The following LRRC40 variants were observed in gnomAD, a reference collection of about 807,000 sequenced individuals.
The protein encoded by LRRC40 is leucine rich repeat containing 40.
Under a neutral mutation model 72.8 loss-of-function variants are expected in LRRC40, and 76 were observed. The observed-to-expected ratio is 1.04, with a 90% confidence interval of 0.87 to 1.26. The LOEUF (loss-of-function observed/expected upper bound fraction) is 1.26, where lower values mean the gene tolerates loss of function less well. Among genes scored for constraint, LRRC40 ranks in the 50% most tolerant of loss-of-function variants. The pLI is 0.00. For synonymous variants in LRRC40, 243 were observed against 254.2 expected (o/e 0.96, Z 0.42); for missense variants, 684 against 698.9 (o/e 0.98, Z 0.24).
rs1667474317 is a variant in LRRC40 at position 70,151,115 on chromosome 1, T to C, written c.1517+13A>G. The stretch of plus-strand genomic sequence containing the variant: ...TTCCACAGAATAACAATTAGAATTG[T>C]CTGTTCTCTTACCTATTAAAGGAAA... On this transcript the variant is annotated intron_variant, in intron 13 of 14. Transcript: ENST00000370952. 1 of 1,415,228 alleles carries C rather than the reference T, an allele frequency of 7.1e-7. No individual in the cohort carries two copies. 87.7% of individuals were successfully genotyped at this position (1,415,228 alleles called of 1,614,324 possible).
rs1241696316 is a variant in LRRC40 at position 70,155,780 on chromosome 1, A to C, written c.1237T>G (p.Leu413Val). Residue 413 changes from leucine (L) to valine (V), a missense_variant, in exon 11 of 15, where the codon TTG (leucine) becomes GTG (valine). Physicochemically the swap from Leu to Val is conservative, Grantham distance 32. Coordinates refer to ENST00000370952, the MANE Select transcript of LRRC40 (RefSeq NM_017768.5). ...GCATCAAACACCTCATCAGGAATCA[A>C]AGTTGCTTGTTTATCACTAAATGAA... Reference protein sequence around the residue: ...ILDYSDKQATLIPDEVFDAVK... With the variant: ...ILDYSDKQATVIPDEVFDAVK... 1.9e-6 allele frequency: 3 copies of C among 1,565,058 alleles called. No homozygotes were observed. The highest frequency in any genetic ancestry group is 2.6e-6 in the Non-Finnish European group (3 of 1,147,230).
intron 13 of LRRC40, among the ~76,000 whole-genome samples, chr1:70,150,640 C>T (rs1407677067): frequency 6.6e-6 from 1 of 152,226 alleles, no homozygotes; most frequent in African/African-American, 2.4e-5. Context: ...TACTCCTCTA[C>T]CTGTTTGCTT....
intron 7 of LRRC40, among the ~76,000 whole-genome samples, chr1:70,174,627 T>C (rs1668064713): frequency 6.6e-6 from 1 of 152,070 alleles, no homozygotes; most frequent in Non-Finnish European, 1.5e-5. Context: ...TACTGATACA[T>C]ACAACCACAT....
chr1:70,182,740 G>A (rs1451587381), intron 4 of LRRC40, among the ~76,000 whole-genome samples: 2 of 151,914 alleles, frequency 1.3e-5, no homozygotes, highest in Admixed American at 1.3e-4. Context: ...GTTGCATTGT[G>A]CTAAGCAGTT....
chr1:70,187,056 TA>T (rs1315301211), intron 3 of LRRC40, among the ~76,000 whole-genome samples: 1 of 151,698 alleles, frequency 6.6e-6, no homozygotes, highest in African/African-American at 2.4e-5. Context: ...CTTGCATTTA[TA>T]AAATCAGAAA....
At chr1:70,178,541 G>T (rs555629428) in intron 6 of LRRC40, among the ~76,000 whole-genome samples, 9 of 152,072 alleles carry the variant, frequency 5.9e-5, no homozygotes, top group African/African-American at 2.2e-4. Context: ...CATAATCCTG[G>T]TTGGTATTCC....
intron 12 of LRRC40, chr1:70,151,713 T>G (rs1267427189): frequency 6.6e-6 from 1 of 151,982 alleles, no homozygotes; most frequent in Non-Finnish European, 1.5e-5. Context: ...AAGTTTAGAA[T>G]TTAAATTTAC....
At chr1:70,181,851 A>C (rs1668253963) in intron 4 of LRRC40, among the ~76,000 whole-genome samples, 2 of 152,020 alleles carry the variant, frequency 1.3e-5, no homozygotes, top group African/African-American at 4.8e-5. Context: ...TTTTCTTTAA[A>C]TAGTTTTAAG....
intron 3 of LRRC40, among the ~76,000 whole-genome samples, 156 bp from the exon 4 acceptor site, chr1:70,185,070 A>G (rs1273239763): frequency 6.6e-6 from 1 of 152,242 alleles, no homozygotes; most frequent in African/African-American, 2.4e-5. Flanking sequence ...AAAAATATGT[A>G]CTCATTAAAA....
chr1:70,205,568 A>G lies in LRRC40; in HGVS notation c.-28T>C. 1 of 1,565,590 alleles carries G rather than the reference A, an allele frequency of 6.4e-7. No individual in the cohort carries two copies. ...TCAAAGTCCTAGGTCCAGAAGCTGC[A>G]GCCCCACCCGTGACGCTTAAAGGTG... On this transcript the variant is annotated 5_prime_UTR_variant, in exon 1 of 15. Transcript: ENST00000370952.
At chr1:70,187,076 G>A (rs972638355) in intron 3 of LRRC40, among the ~76,000 whole-genome samples, 189 bp downstream of exon 3, 1 of 151,250 alleles carries the variant, frequency 6.6e-6, no homozygotes, top group African/African-American at 2.4e-5. Flanking sequence ...AATGATGGGG[G>A]TAATGCTAAA....
At chr1:70,148,067 C>G (rs1456139767) in intron 14 of LRRC40, 1 of 141,612 alleles carries the variant, frequency 7.1e-6, no homozygotes, top group African/African-American at 2.7e-5. Context: ...GCTGAGGGAA[C>G]AGCAGATGTA....
chr1:70,181,693 G>A (rs947229120), intron 4 of LRRC40, among the ~76,000 whole-genome samples: 18 of 150,802 alleles, frequency 1.2e-4, no homozygotes, highest in Non-Finnish European at 2.1e-4. Flanking sequence ...AATTTTTGAG[G>A]AAAAAAAAAT....
intron 9 of LRRC40, among the ~76,000 whole-genome samples, chr1:70,164,471 C>T (rs1351443536): frequency 6.6e-6 from 1 of 152,184 alleles, no homozygotes; most frequent in Non-Finnish European, 1.5e-5. Context: ...CCAAAGACCA[C>T]AATTCTCAGT....
chr1:70,167,249 A>G (rs28374465), intron 9 of LRRC40, among the ~76,000 whole-genome samples: 1,527 of 150,646 alleles, frequency 0.01, 25 homozygotes, highest in African/African-American at 0.035. Context: ...AAAAAAAAAG[A>G]AAAAAGAAAA....
chr1:70,151,243 G>T, intron 12 of LRRC40, 38 bp from the exon 13 acceptor site: 1 of 993,290 alleles, frequency 1.0e-6, no homozygotes, highest in South Asian at 1.4e-5. Context: ...TACAAAGTTT[G>T]AAAAATTTTA....
At chr1:70,165,681 A>C (rs1235724757) in intron 9 of LRRC40, among the ~76,000 whole-genome samples, 1 of 152,206 alleles carries the variant, frequency 6.6e-6, no homozygotes, top group African/African-American at 2.4e-5. Context: ...AGGAAAAAAA[A>C]AAATATGAAG....
Position 70,145,835 on chromosome 1 carries a change from T to C in LRRC40, c.1774A>G (p.Ile592Val), listed in dbSNP as rs373072334. ...ATTCGGTCTCTCAAATATTCAAGTA[T>C]AGCAGCTGTTCCTTTCATTAATATG... ...AAILMKGTAA[I>V]LEYLRDRIPT Residue 592 changes from isoleucine to valine, a missense_variant, in exon 15 of 15, where the codon ATA (isoleucine) becomes GTA (valine). Coordinates refer to ENST00000370952, the MANE Select transcript of LRRC40 (RefSeq NM_017768.5). 3.6e-5 allele frequency: 58 copies of C among 1,609,176 alleles called. No individual in the cohort carries two copies. Among genetic ancestry groups the C allele is most frequent in the Non-Finnish European group, 4.2e-5 (49 of 1,176,100 alleles).
Position 70,173,493 on chromosome 1 carries a change from G to A in LRRC40, c.1083C>T (p.Val361=), listed in dbSNP as rs142537993. Residue 361 remains valine (V), a synonymous_variant, in exon 9 of 15, where the codon GTC becomes GTT. Coordinates refer to ENST00000370952, the MANE Select transcript of LRRC40 (RefSeq NM_017768.5). ...REIISKGTQE[V]LKYLRSKIKD... Reference sequence around the variant, plus strand: ...TGATCTTGCTTCGTAGATATTTTAGGACTTCTTGTGTTCCTTTCTAGAAGG... The same window carrying A: ...TGATCTTGCTTCGTAGATATTTTAGAACTTCTTGTGTTCCTTTCTAGAAGG... 1,220 of 1,607,652 alleles carry A rather than the reference G, an allele frequency of 7.6e-4. 2 individuals are homozygous for A. The highest frequency in any genetic ancestry group is 1.5e-3 in the Middle Eastern group (9 of 6,042).
Sources: allele counts gnomAD v4.1 joint callset (sites outside exome capture counted in the v4.1 genomes callset), GRCh38; gene constraint gnomAD v4.1.1; transcripts MANE v1.5; gene names NCBI Gene and HGNC (gene_info 2026-07-23, HGNC 2026-07-21).